ADCY9: variants seen among roughly 807,000 people sequenced by gnomAD.
ADCY9 encodes adenylate cyclase type 9.
A neutral mutation model predicts 101.5 loss-of-function variants in ADCY9; 50 were observed. The observed-to-expected ratio is 0.49, with a 90% CI of 0.39 to 0.62. ADCY9 has a LOEUF of 0.62. Ranked by LOEUF, ADCY9 falls within the 20% of genes least tolerant of loss-of-function variation. ADCY9 has a pLI of 0.00. For missense variants in ADCY9, 1,662 were observed against 1,800.4 expected (o/e 0.92, Z 1.39); for synonymous variants, 905 against 769.3 (o/e 1.18, Z -2.92).
chr16:3,967,002 T>G, intron 10 of ADCY9, 36 bp from the exon 11 acceptor site: 1 of 1,556,288 alleles, frequency 6.4e-7, no homozygotes. Context: ...GAGAGGTTAC[T>G]GCTCGGCGCT....
intron 2 of ADCY9, among the ~76,000 whole-genome samples, chr16:4,058,861 A>T (rs1156756095): frequency 6.6e-6 from 1 of 152,208 alleles, no homozygotes; most frequent in Non-Finnish European, 1.5e-5. Flanking sequence ...AGGGAGCTAA[A>T]GGAAGTCTCT....
chr16:3,988,796 G>A (rs774673751), intron 6 of ADCY9, among the ~76,000 whole-genome samples, 198 bp downstream of exon 6: 21 of 152,208 alleles, frequency 1.4e-4, no homozygotes, highest in Admixed American at 2.0e-4. Flanking sequence ...TAAGACAAAG[G>A]ACTAAAGAAA....
In ADCY9 at chr16:3,963,531, C is replaced by G; in HGVS notation, c.*2244G>C. ...AGACAACGTTAAGCTCTGGGTGAGT[C>G]TGCACGGGGCTGAACCAGACTCCAC... On this transcript the variant is annotated 3_prime_UTR_variant, in exon 11 of 11. Transcript: ENST00000294016. The G allele has an allele frequency of 2.6e-6, 1 of 385,160 alleles. No individual in the cohort carries two copies. Among genetic ancestry groups the G allele is most frequent in the Non-Finnish European group, 4.6e-6 (1 of 217,906 alleles). The allele number at this position is 385,160 out of a possible 1,614,324, so 23.9% of individuals were successfully genotyped here. A position where few individuals can be genotyped will look rare whatever the true frequency, so the allele number is the denominator to read the frequency against.
chr16:4,027,646 G>A (rs756758498), intron 2 of ADCY9, among the ~76,000 whole-genome samples: 6 of 152,160 alleles, frequency 3.9e-5, no homozygotes, highest in Non-Finnish European at 7.3e-5. Flanking sequence ...GGAGGCCGAG[G>A]TGGGCATATC....
intron 2 of ADCY9, among the ~76,000 whole-genome samples, chr16:4,077,711 A>C (rs2056876436): frequency 1.3e-5 from 2 of 152,206 alleles, no homozygotes; most frequent in African/African-American, 2.4e-5. Flanking sequence ...TTTAAAAATC[A>C]GACACAGGCC....
chr16:3,983,038 C>T (rs2056157310), intron 7 of ADCY9, 194 bp downstream of exon 7: 1 of 615,108 alleles, frequency 1.6e-6, no homozygotes, highest in Non-Finnish European at 2.8e-6. Context: ...GGTGGTCCCC[C>T]CGCATCTGGG....
At chr16:4,097,453 C>CATATATATATATATATATAT (rs71394653) in intron 2 of ADCY9, among the ~76,000 whole-genome samples, 2 of 71,074 alleles carry the variant, frequency 2.8e-5, no homozygotes, top group Non-Finnish European at 5.4e-5. Flanking sequence ...TGTGGAGTTA[C>CATATATATATATATATATAT]ATATATATAT....
intron 2 of ADCY9, among the ~76,000 whole-genome samples, chr16:4,031,161 T>A (rs1037609020): frequency 6.6e-6 from 1 of 152,200 alleles, no homozygotes; most frequent in African/African-American, 2.4e-5. Flanking sequence ...GAACATGAAC[T>A]ATATATTTTA....
intron 2 of ADCY9, among the ~76,000 whole-genome samples, chr16:4,087,327 G>C (rs539069252): frequency 6.6e-6 from 1 of 151,892 alleles, no homozygotes; most frequent in East Asian, 1.9e-4. Context: ...TTGAGACCAG[G>C]AGTTCGAGAC....
intron 2 of ADCY9, among the ~76,000 whole-genome samples, chr16:4,018,511 C>A (rs932857376): frequency 1.1e-4 from 16 of 152,192 alleles, no homozygotes; most frequent in African/African-American, 3.6e-4. Flanking sequence ...CCGCGCCCGG[C>A]TGATGCTGAA....
intron 2 of ADCY9, among the ~76,000 whole-genome samples, chr16:4,095,213 C>A (rs1442665892): frequency 3.3e-5 from 5 of 151,994 alleles, no homozygotes; most frequent in Admixed American, 3.3e-4. Context: ...GTTGGCCAGG[C>A]TGATCTCGAA....
At chr16:4,104,836 T>C (rs1318752737) in intron 2 of ADCY9, among the ~76,000 whole-genome samples, 1 of 152,102 alleles carries the variant, frequency 6.6e-6, no homozygotes, top group East Asian at 1.9e-4. Context: ...GTTGTGTACA[T>C]TTTATCACTC....
In ADCY9 at chr16:4,114,567, G is replaced by C; in HGVS notation, c.876C>G (p.His292Gln). 1 of 1,614,044 alleles carries C rather than the reference G, an allele frequency of 6.2e-7. No individual in the cohort carries two copies. Among genetic ancestry groups the C allele is most frequent in the Non-Finnish European group, 8.5e-7 (1 of 1,180,038 alleles). Reference protein sequence around the residue: ...LSRGLLHGCIHAIGVHLFVMS... With the variant: ...LSRGLLHGCIQAIGVHLFVMS... Reference sequence around the variant, plus strand: ...TGACGAACAGGTGGACCCCGATGGCGTGGATGCAGCCGTGGAGCAGCCCCC... The same window carrying C: ...TGACGAACAGGTGGACCCCGATGGCCTGGATGCAGCCGTGGAGCAGCCCCC... Residue 292 changes from histidine to glutamine, a missense_variant, in exon 2 of 11, where the codon CAC (histidine) becomes CAG (glutamine). Around this residue, in one of 5 missense-constraint regions of ADCY9, gnomAD observed 422 missense variants for 392.0 expected, o/e 1.08. Coordinates refer to ENST00000294016, the MANE Select transcript of ADCY9 (RefSeq NM_001116.4). This position sits in a 1 kb window ranked among gnomAD's most constrained non-coding sequence, Gnocchi z 4.3.
chr16:4,066,340 A>G (rs1047644253), intron 2 of ADCY9, among the ~76,000 whole-genome samples: 4 of 152,118 alleles, frequency 2.6e-5, no homozygotes, highest in African/African-American at 9.7e-5. Flanking sequence ...CCTTGAGTAT[A>G]TTTACTTTTC....
Position 4,115,211 on chromosome 16 carries a change from T to G in ADCY9, c.232A>C (p.Lys78Gln), listed in dbSNP as rs765384924. 17 of 1,613,444 alleles carry G rather than the reference T, an allele frequency of 1.1e-5. 1 individual carries two copies. The South Asian group carries it at 1.8e-4, about 17-fold the overall frequency. ...GGGGRLRRQK[K>Q]LPQLFERASS... ...GCCCTCTCGAACAGCTGGGGCAGCTTCTTCTGCCTGCGCAGCCGGCCTCCG... is the reference window on the plus strand; with the variant it reads ...GCCCTCTCGAACAGCTGGGGCAGCTGCTTCTGCCTGCGCAGCCGGCCTCCG... The change falls in exon 2 of 11, where the codon AAG (lysine) becomes CAG (glutamine). Residue 78 changes from lysine to glutamine, a missense_variant. Transcript: ENST00000294016. This position sits in a 1 kb window ranked among gnomAD's most constrained non-coding sequence, Gnocchi z 6.2.
chr16:4,079,709 CAT>C (rs1326236572), intron 2 of ADCY9, among the ~76,000 whole-genome samples: 4 of 151,974 alleles, frequency 2.6e-5, no homozygotes, highest in African/African-American at 9.7e-5. Context: ...AATGGTGTTT[CAT>C]ATGACACCAT....
At chr16:4,106,272 TCCACAAGA>T (rs1403780746) in intron 2 of ADCY9, among the ~76,000 whole-genome samples, 1 of 152,160 alleles carries the variant, frequency 6.6e-6, no homozygotes, top group Non-Finnish European at 1.5e-5. Flanking sequence ...ACTGGGTACA[TCCACAAGA>T]CTACAAGAAT....
chr16:4,029,663 T>C (rs2056541594), intron 2 of ADCY9, among the ~76,000 whole-genome samples: 1 of 152,118 alleles, frequency 6.6e-6, no homozygotes, highest in African/African-American at 2.4e-5. Context: ...AAAAGAATGT[T>C]GAACCCGGGA....
chr16:4,096,362 G>GA (rs1286187406), intron 2 of ADCY9, among the ~76,000 whole-genome samples: 8 of 152,180 alleles, frequency 5.3e-5, no homozygotes, highest in South Asian at 2.1e-4. Flanking sequence ...TTACCAATAT[G>GA]AAAAAAGCAG....
Sources: allele counts gnomAD v4.1 joint callset (sites outside exome capture counted in the v4.1 genomes callset), GRCh38; gene constraint gnomAD v4.1.1; regional missense constraint gnomAD v4.1.1; non-coding constraint Gnocchi (gnomAD v3.1); transcripts MANE v1.5; gene names NCBI Gene and HGNC (gene_info 2026-07-23, HGNC 2026-07-21).